The following SLC39A9 variants were observed in gnomAD, a reference collection of about 807,000 sequenced individuals.
SLC39A9 encodes the protein zinc transporter ZIP9.
A neutral mutation model predicts 28.4 loss-of-function variants in SLC39A9; 14 were observed. The observed-to-expected ratio is 0.49, with a 90% CI of 0.33 to 0.77. The LOEUF is 0.77. Ranked by LOEUF, SLC39A9 falls within the 30% of genes least tolerant of loss-of-function variation. The pLI, the probability that SLC39A9 is intolerant of heterozygous loss-of-function variation, is 0.02. For missense variants in SLC39A9, 283 were observed against 381.1 expected, an observed-to-expected ratio of 0.74 and a Z score of 2.14; for synonymous variants, 119 against 149.6, an observed-to-expected ratio of 0.80 and a Z score of 1.49.
chr14:69,404,973 A>C (rs1461746861), intron 1 of SLC39A9, among the ~76,000 whole-genome samples: 11 of 152,216 alleles, frequency 7.2e-5, no homozygotes. Context: ...GGAAACTTAC[A>C]ATCATGGCAG....
chr14:69,458,259 G>T (rs905657416), intron 6 of SLC39A9, 104 bp from the exon 7 acceptor site: 1 of 1,450,994 alleles, frequency 6.9e-7, no homozygotes, highest in Non-Finnish European at 9.4e-7. Flanking sequence ...CAGTGTCCTA[G>T]ACAGCACCAG....
At chr14:69,436,802 G>A (rs1435928128) in intron 2 of SLC39A9, among the ~76,000 whole-genome samples, 1 of 152,148 alleles carries the variant, frequency 6.6e-6, no homozygotes, top group Non-Finnish European at 1.5e-5. Context: ...TCTCTATAGA[G>A]CTGTGGCTGC....
chr14:69,447,994 C>T (rs1885418360), intron 3 of SLC39A9, among the ~76,000 whole-genome samples: 1 of 150,774 alleles, frequency 6.6e-6, no homozygotes, highest in South Asian at 2.1e-4. Flanking sequence ...GCAGGTGGAT[C>T]ACAAGGCCAG....
At chr14:69,416,028 G>A (rs938550384) in intron 1 of SLC39A9, among the ~76,000 whole-genome samples, 3 of 151,826 alleles carry the variant, frequency 2.0e-5, no homozygotes, top group African/African-American at 4.8e-5. Flanking sequence ...CCATTAACTC[G>A]CCATTTACAT....
At chr14:69,454,171 C>T (rs1215464508) in intron 4 of SLC39A9, among the ~76,000 whole-genome samples, 1 of 152,238 alleles carries the variant, frequency 6.6e-6, no homozygotes, top group African/African-American at 2.4e-5. Context: ...TTACCTGGCC[C>T]TTTCTAAGTA....
At chr14:69,406,221 C>T (rs1882905256) in intron 1 of SLC39A9, among the ~76,000 whole-genome samples, 1 of 152,204 alleles carries the variant, frequency 6.6e-6, no homozygotes, top group Non-Finnish European at 1.5e-5. Context: ...GGTAAACAGT[C>T]TCCAAATACC....
chr14:69,434,737 A>C (rs1053256676), intron 2 of SLC39A9, among the ~76,000 whole-genome samples: 1 of 152,094 alleles, frequency 6.6e-6, no homozygotes, highest in Admixed American at 6.5e-5. Context: ...TTGCATCTCA[A>C]AATTTTAGTG....
At chr14:69,415,900 T>C (rs1402156376) in intron 1 of SLC39A9, among the ~76,000 whole-genome samples, 1 of 152,108 alleles carries the variant, frequency 6.6e-6, no homozygotes, top group African/African-American at 2.4e-5. Flanking sequence ...AGAGCTACTG[T>C]TTTTGCTAAC....
intron 2 of SLC39A9, among the ~76,000 whole-genome samples, chr14:69,431,293 A>G (rs1675965284): frequency 6.6e-6 from 1 of 152,192 alleles, no homozygotes; most frequent in Non-Finnish European, 1.5e-5. Flanking sequence ...GTTCTAATAT[A>G]AGAAATTTCA....
intron 1 of SLC39A9, among the ~76,000 whole-genome samples, chr14:69,421,311 T>G (rs1594916927): frequency 6.6e-6 from 1 of 152,246 alleles, no homozygotes; most frequent in South Asian, 2.1e-4. Context: ...GCTGTTTGCC[T>G]TGGTATCACC....
Position 69,401,971 on chromosome 14 carries a change from A to G in SLC39A9, c.96+2506A>G, listed in dbSNP as rs1015194194. 7.9e-5 allele frequency among the ~76,000 whole-genome samples: 12 copies of G among 152,308 alleles called. 1 individual carries two copies. The South Asian group carries it at 2.5e-3, about 32-fold the overall frequency. On this transcript the variant is annotated intron_variant, in intron 1 of 6. Coordinates refer to ENST00000336643, the MANE Select transcript of SLC39A9 (RefSeq NM_018375.5). ...ACTAGTGAGATGGTAAATTTGTAAA[A>G]ATAAATTTCATTCACGGGGGACTGG...
At chr14:69,423,896 CA>C (rs11342292) in intron 1 of SLC39A9, among the ~76,000 whole-genome samples, 197 bp from the exon 2 acceptor site, 71,092 of 120,396 alleles carry the variant, frequency 0.59, 19,248 homozygotes, top group African/African-American at 0.77. Flanking sequence ...GATTCTGTCT[CA>C]AAAAAAAAAA....
At chr14:69,425,032 G>C (rs192156165) in intron 2 of SLC39A9, among the ~76,000 whole-genome samples, 102 of 152,316 alleles carry the variant, frequency 6.7e-4, no homozygotes, top group African/African-American at 2.5e-3. Context: ...CCTGGGGTTT[G>C]ATAGACAAAG....
At chr14:69,401,557 C>T (rs555579384) in intron 1 of SLC39A9, among the ~76,000 whole-genome samples, 1 of 152,216 alleles carries the variant, frequency 6.6e-6, no homozygotes, top group South Asian at 2.1e-4. Flanking sequence ...TTACCAATTC[C>T]AGTATTTTTT....
At chr14:69,458,284 T>A in intron 6 of SLC39A9, 79 bp from the exon 7 acceptor site, 2 of 1,547,082 alleles carry the variant, frequency 1.3e-6, no homozygotes, top group Non-Finnish European at 1.7e-6. Context: ...GAACAGTGAG[T>A]GTTTTTTAAC....
intron 3 of SLC39A9, among the ~76,000 whole-genome samples, chr14:69,445,841 T>C (rs994781384): frequency 6.6e-6 from 1 of 152,168 alleles, no homozygotes; most frequent in Non-Finnish European, 1.5e-5. Flanking sequence ...AAAAATAGAA[T>C]GAAACCAATA....
chr14:69,455,789 C>T lies in SLC39A9; in HGVS notation c.616C>T (p.Arg206Ter). 2.5e-6 allele frequency: 4 copies of T among 1,614,172 alleles called. No individual in the cohort carries two copies. The highest frequency in any genetic ancestry group is 3.4e-6 in the Non-Finnish European group (4 of 1,180,036). ...GATGCATGCTGGCTTAGAGCGGAAT[C>T]GAATCAGAAAGCACTTGCTGGTCTT... ...FLMHAGLERN[R>*]IRKHLLVFAL... is the part of the protein sequence containing the mutation. The change falls in exon 6 of 7, where the codon CGA becomes TGA. Residue 206 changes from arginine (R) to a stop codon, truncating the protein, a stop_gained. Coordinates refer to ENST00000336643, the MANE Select transcript of SLC39A9 (RefSeq NM_018375.5). LOFTEE classifies it high-confidence loss of function.
At chr14:69,398,517 G>C (rs1594892138), upstream of SLC39A9, 7 of 555,742 alleles carry the variant, frequency 1.3e-5, no homozygotes, top group East Asian at 1.9e-4. Flanking sequence ...CCGTACTTTC[G>C]TTATTAAACA....
At chr14:69,449,983 C>T (rs1038769125) in intron 3 of SLC39A9, among the ~76,000 whole-genome samples, 2 of 151,632 alleles carry the variant, frequency 1.3e-5, no homozygotes, top group Admixed American at 6.6e-5. Context: ...GTCAGGGGTT[C>T]GAGACCAGCC....
Sources: gnomAD v4.1 joint callset for allele counts (sites outside exome capture counted in the v4.1 genomes callset) on GRCh38, gnomAD v4.1.1 for gene constraint, MANE v1.5 for transcripts, NCBI Gene and HGNC (gene_info 2026-07-23, HGNC 2026-07-21) for gene names.